PCDHGB1: variants seen among roughly 807,000 people sequenced by gnomAD.
PCDHGB1 encodes protocadherin gamma-B1.
A neutral mutation model predicts 56.6 loss-of-function variants in PCDHGB1; 34 were observed. The ratio of observed to expected loss-of-function variants is 0.60; its 90% confidence interval spans 0.46 to 0.80. The LOEUF is 0.80. Among genes scored for constraint, PCDHGB1 ranks in the 30% least tolerant of loss-of-function variants. The probability of loss-of-function intolerance (pLI) is 0.00; values close to 1 mark genes in which losing one functional copy is unlikely to be tolerated. For synonymous variants in PCDHGB1, 561 were observed against 505.9 expected (o/e 1.11, Z -1.46); for missense variants, 1,278 against 1,204.6 (o/e 1.06, Z -0.90).
At chr5:141,423,119 G>T (rs769320490) in intron 1 of PCDHGB1, 2 of 1,613,774 alleles carry the variant, frequency 1.2e-6, no homozygotes, top group Non-Finnish European at 1.7e-6. Context: ...CGTACAGCGC[G>T]GGCACTGCTG....
intron 1 of PCDHGB1, among the ~76,000 whole-genome samples, chr5:141,462,897 G>A (rs2099049236): frequency 6.6e-6 from 1 of 152,130 alleles, no homozygotes; most frequent in South Asian, 2.1e-4. Context: ...TGTTTTGGAA[G>A]GCTATTATGT....
At chr5:141,502,575 A>G (rs1314648955) in intron 2 of PCDHGB1, among the ~76,000 whole-genome samples, 2 of 152,208 alleles carry the variant, frequency 1.3e-5, no homozygotes, top group Admixed American at 1.3e-4. Context: ...CATTATAAAA[A>G]TATATTTTTA....
At chr5:141,479,003 C>A (rs2099485569) in intron 1 of PCDHGB1, among the ~76,000 whole-genome samples, 1 of 152,176 alleles carries the variant, frequency 6.6e-6, no homozygotes, top group African/African-American at 2.4e-5. Flanking sequence ...AAACTAATAG[C>A]TTTTTGATAA....
intron 1 of PCDHGB1, chr5:141,408,637 T>C (rs766685548): frequency 4.3e-6 from 7 of 1,614,044 alleles, no homozygotes; most frequent in Non-Finnish European, 5.9e-6. Context: ...TTTTCGAATC[T>C]GCATCCGCTG....
At position 141,491,752 on chromosome 5, in the gene PCDHGB1, G is replaced by C. The variant is rs1464731659; in HGVS notation, c.2410-3055G>C. 6 of 1,586,646 alleles carry C rather than the reference G, an allele frequency of 3.8e-6. No homozygotes were observed. The African/African-American group carries it at 8.1e-5, about 21-fold the overall frequency. On this transcript the variant is annotated intron_variant, in intron 1 of 3. Transcript: ENST00000523390. The surrounding 1 kb of genome is among the most constrained non-coding windows in gnomAD (Gnocchi z 6.9). ...GACCCCTGGGGGCGGCACTGGAGAA[G>C]CCGCCCGTCCTCATAAGGGATTGAA...
Position 141,418,943 on chromosome 5 carries a change from C to T in PCDHGB1, c.2409+66274C>T, listed in dbSNP as rs751344893. On this transcript the variant is annotated intron_variant, in intron 1 of 3. Coordinates refer to ENST00000523390, the MANE Select transcript of PCDHGB1 (RefSeq NM_018922.3). ...TGATCAGATTATGGAGGATTCCCCT[C>T]CAGGAGTGGTTGTTGCCCTCTTCAA... The T allele has an allele frequency of 3.1e-6, 5 of 1,613,914 alleles. No homozygotes were observed. The African/African-American group carries it at 6.7e-5, about 22-fold the overall frequency.
rs751918675 is a variant in PCDHGB1 at position 141,376,240 on chromosome 5, G to A, written c.2409+23571G>A. ...TGCTGGCGCTCAGACTGCAGCGCTG[G>A]CACAAGTCACGCCTGCTGCAGGCTT... On this transcript the variant is annotated intron_variant, in intron 1 of 3. Transcript: ENST00000523390. The A allele has an allele frequency of 1.9e-6, 3 of 1,614,202 alleles. No individual in the cohort carries two copies. In the South Asian group the frequency reaches 3.3e-5, roughly 18 times the overall value.
intron 1 of PCDHGB1, chr5:141,419,557 G>T: frequency 2.5e-6 from 4 of 1,611,872 alleles, no homozygotes; most frequent in Middle Eastern, 1.7e-4. Context: ...TGTACCCTGC[G>T]CTGGGTCCCG....
chr5:141,423,517 T>A (rs750915364), intron 1 of PCDHGB1: 1 of 1,613,834 alleles, frequency 6.2e-7, no homozygotes, highest in Admixed American at 1.7e-5. Context: ...CATTGCGGAC[T>A]CGCAGAAGAG....
chr5:141,473,312 A>G (rs1432409474), intron 1 of PCDHGB1, among the ~76,000 whole-genome samples: 1 of 152,228 alleles, frequency 6.6e-6, no homozygotes, highest in Non-Finnish European at 1.5e-5. Context: ...TGCTATATTA[A>G]TAAGCATTAA....
chr5:141,365,732 G>C (rs780327572), intron 1 of PCDHGB1: 1 of 1,613,694 alleles, frequency 6.2e-7, no homozygotes, highest in Non-Finnish European at 8.5e-7. Flanking sequence ...CAATCCCAGA[G>C]GTGTCTCTAT....
At chr5:141,423,755 GGGGGGT>G in intron 1 of PCDHGB1, 4 of 512,470 alleles carry the variant, frequency 7.8e-6, no homozygotes, top group Non-Finnish European at 1.0e-5. Context: ...CTGTTTGGGG[GGGGGGT>G]GGGGCGGCAT....
intron 1 of PCDHGB1, chr5:141,365,502 C>A (rs373907411): frequency 7.6e-5 from 122 of 1,613,800 alleles, no homozygotes; most frequent in Admixed American, 1.3e-4. Context: ...AGGAATTTGC[C>A]TTTTAAATTG....
In PCDHGB1 at chr5:141,459,848, C is replaced by T. The variant is rs573481876; in HGVS notation, c.2410-34959C>T. Among the ~76,000 whole-genome samples the T allele has an allele frequency of 1.1e-4, 16 of 152,244 alleles. No homozygotes were observed. In the South Asian group the frequency reaches 2.5e-3, roughly 24 times the overall value. ...TTTCATGTGTTGTCTATTTGTATATCTTCTTGAAGCATTCGTTCATCTTTA... is the reference window on the plus strand; with the variant it reads ...TTTCATGTGTTGTCTATTTGTATATTTTCTTGAAGCATTCGTTCATCTTTA... On this transcript the variant is annotated intron_variant, in intron 1 of 3. Transcript: ENST00000523390.
intron 1 of PCDHGB1, chr5:141,418,106 G>T (rs2096223296): frequency 6.2e-7 from 1 of 1,613,954 alleles, no homozygotes. Flanking sequence ...GCAGAGCGGG[G>T]ACTTACTTGT....
chr5:141,418,397 T>C (rs764404369), intron 1 of PCDHGB1: 9 of 1,613,838 alleles, frequency 5.6e-6, no homozygotes, highest in South Asian at 3.3e-5. Context: ...GTATTTCTCA[T>C]TGGTGGAGAA....
At chr5:141,417,646 C>A in intron 1 of PCDHGB1, 2 of 797,870 alleles carry the variant, frequency 2.5e-6, no homozygotes, top group Non-Finnish European at 3.8e-6. Context: ...GATCCCTCAG[C>A]CTCTAGCCTG....
rs753473913 is a variant in PCDHGB1 at position 141,503,323 on chromosome 5, G to A, written c.2469-2070G>A. On this transcript the variant is annotated intron_variant, in intron 2 of 3. Transcript: ENST00000523390. The stretch of plus-strand genomic sequence containing the variant: ...CTCAAGAAAGAATTGTTGGAGGGGC[G>A]CGGTGGCTCACGCCTGTAATTCCAG... Among the ~76,000 whole-genome samples the A allele has an allele frequency of 2.0e-5, 3 of 152,214 alleles. No individual in the cohort carries two copies. In the Middle Eastern group the frequency reaches 0.01, roughly 518 times the overall value.
At chr5:141,393,917 C>A in intron 1 of PCDHGB1, 1 of 1,613,924 alleles carries the variant, frequency 6.2e-7, no homozygotes, top group Non-Finnish European at 8.5e-7. Flanking sequence ...TAATTGCCTT[C>A]TTGAGTGTGC....
Sources: allele counts gnomAD v4.1 joint callset (sites outside exome capture counted in the v4.1 genomes callset), GRCh38; gene constraint gnomAD v4.1.1; non-coding constraint Gnocchi (gnomAD v3.1); transcripts MANE v1.5; gene names NCBI Gene and HGNC (gene_info 2026-07-23, HGNC 2026-07-21).